The following LRRK2 variants were observed in gnomAD, a reference collection of about 807,000 sequenced individuals.
The protein encoded by LRRK2 is leucine rich repeat kinase 2, also known as leucine-rich repeat serine/threonine-protein kinase 2.
Under a neutral mutation model 302.6 loss-of-function variants are expected in LRRK2, and 203 were observed. The ratio of observed to expected loss-of-function variants is 0.67; its 90% confidence interval spans 0.60 to 0.75. LRRK2 has a LOEUF of 0.75. LRRK2 is among the 30% of genes least tolerant of loss of function. The probability of loss-of-function intolerance (pLI) is 0.00; values close to 1 mark genes in which losing one functional copy is unlikely to be tolerated. For synonymous variants in LRRK2, 1,066 were observed against 1,031.9 expected, an observed-to-expected ratio of 1.03 and a Z score of -0.63; for missense variants, 2,830 against 2,951.0, an observed-to-expected ratio of 0.96 and a Z score of 0.95.
intron 50 of LRRK2, 151 bp from the exon 51 acceptor site, chr12:40,367,493 T>C: frequency 1.6e-6 from 1 of 612,122 alleles, no homozygotes; most frequent in East Asian, 3.3e-5. Context: ...AGTATAGTTT[T>C]TTATAAATAA....
intron 2 of LRRK2, among the ~76,000 whole-genome samples, chr12:40,231,180 C>T (rs957022451): frequency 6.6e-6 from 1 of 152,068 alleles, no homozygotes; most frequent in Admixed American, 6.5e-5. Context: ...CCTAATCCTT[C>T]ATTATAAGCC....
intron 3 of LRRK2, among the ~76,000 whole-genome samples, chr12:40,234,370 T>G (rs1295673872): frequency 2.6e-4 from 3 of 11,526 alleles, no homozygotes; most frequent in African/African-American, 9.9e-4. Flanking sequence ...CTAAATTCAC[T>G]TTTTTTTTTT....
intron 22 of LRRK2, 121 bp downstream of exon 22, chr12:40,295,035 A>G: frequency 1.5e-6 from 1 of 658,114 alleles, no homozygotes; most frequent in East Asian, 2.7e-5. Context: ...TAATCTTCAT[A>G]TATATTTACC....
intron 4 of LRRK2, among the ~76,000 whole-genome samples, chr12:40,236,067 G>A (rs1044311765): frequency 3.3e-5 from 5 of 151,868 alleles, no homozygotes; most frequent in Admixed American, 3.3e-4. Flanking sequence ...CCCAAAATCT[G>A]GACCTACATC....
chr12:40,334,825 A>T (rs1035575794), intron 39 of LRRK2, 142 bp from the exon 40 acceptor site: 3 of 971,724 alleles, frequency 3.1e-6, no homozygotes, highest in African/African-American at 3.2e-5. Context: ...GGGAAAAAAA[A>T]CTCAGAGAAG....
chr12:40,328,085 T>A (rs193141281), intron 38 of LRRK2, among the ~76,000 whole-genome samples: 202 of 152,254 alleles, frequency 1.3e-3, no homozygotes, highest in African/African-American at 4.6e-3. Flanking sequence ...GAAAATTCTC[T>A]ACATTAAAGG....
In LRRK2 at chr12:40,310,613, T is replaced by C; in HGVS notation, c.4500T>C (p.Leu1500=). ...ATEESDALAK[L]RKTIINESLN... ...AGGAATCTGATGCTTTGGCAAAACT[T>C]CGGAAAACCATCATAAACGAGAGCC... The change falls in exon 31 of 51, where the codon CTT becomes CTC. Residue 1500 remains leucine (L), a synonymous_variant. Transcript: ENST00000298910. The C allele has an allele frequency of 6.2e-7, 1 of 1,612,808 alleles. No homozygotes were observed. Among genetic ancestry groups the C allele is most frequent in the Non-Finnish European group, 8.5e-7 (1 of 1,179,698 alleles).
In LRRK2 at chr12:40,259,508, G is replaced by A. The variant is rs995161511; in HGVS notation, c.1447G>A (p.Val483Met). 2.5e-6 allele frequency: 4 copies of A among 1,613,230 alleles called. No individual in the cohort carries two copies. In the African/African-American group the frequency reaches 4.0e-5, roughly 16 times the overall value. The change falls in exon 13 of 51, where the codon GTG becomes ATG. Residue 483 changes from valine (V) to methionine (M), a missense_variant. Physicochemically the swap from Val to Met is conservative, Grantham distance 21 (BLOSUM62 1). Coordinates refer to ENST00000298910, the MANE Select transcript of LRRK2 (RefSeq NM_198578.4). ...SNTSLDIMAA[V>M]VPKILTVMKR... ...CACTTCCCTGGATATAATGGCAGCA[G>A]TGGTCCCCAAAATACTAACAGTTAT...
chr12:40,364,821 A>G, intron 48 of LRRK2, 21 bp from the exon 49 acceptor site: 2 of 1,545,444 alleles, frequency 1.3e-6, no homozygotes, highest in South Asian at 1.1e-5. Flanking sequence ...AAAATTATTA[A>G]TGTATACTTT....
chr12:40,299,258 G>A lies in LRRK2; in HGVS notation c.3496+1G>A. On this transcript the variant is annotated splice_donor_variant, in intron 25 of 50. Coordinates refer to ENST00000298910, the MANE Select transcript of LRRK2 (RefSeq NM_198578.4). LOFTEE classifies it high-confidence loss of function. ...TTCAGTGCCAGAATGAATTTTCTTG[G>A]TAAGTGTTCTGTGTGGGTCTCCTCC... 6.2e-7 allele frequency: 1 copy of A among 1,613,106 alleles called. No homozygotes were observed. The highest frequency in any genetic ancestry group is 8.5e-7 in the Non-Finnish European group (1 of 1,179,460).
At chr12:40,295,769 C>T (rs1250323130) in intron 23 of LRRK2, 125 bp downstream of exon 23, 10 of 888,490 alleles carry the variant, frequency 1.1e-5, no homozygotes, top group East Asian at 5.3e-5. Context: ...ATAAGTCCCC[C>T]GTGCCTCTGG....
chr12:40,316,591 C>T (rs1019033253), intron 33 of LRRK2, among the ~76,000 whole-genome samples: 3 of 151,922 alleles, frequency 2.0e-5, no homozygotes, highest in African/African-American at 7.3e-5. Context: ...ATGCATTAAG[C>T]CTTTGTTTAC....
intron 11 of LRRK2, among the ~76,000 whole-genome samples, chr12:40,253,905 A>G (rs1441580246): frequency 6.6e-6 from 1 of 152,266 alleles, no homozygotes; most frequent in Admixed American, 6.5e-5. Flanking sequence ...GCTATTCACC[A>G]TTTTAAAATC....
At position 40,299,136 on chromosome 12, in the gene LRRK2, C is replaced by G; in HGVS notation, c.3375C>G (p.Pro1125=). Residue 1125 remains proline, a synonymous_variant, in exon 25 of 51, where the codon CCC becomes CCG. Transcript: ENST00000298910. ...EGNKISGICS[P]LRLKELKILN... ...ATAAAATATCAGGGATATGCTCCCC[C>G]TTGAGACTGAAGGAACTGAAGATTT... is the stretch of plus-strand genomic sequence containing the variant. The G allele has an allele frequency of 6.2e-7, 1 of 1,613,172 alleles. No homozygotes were observed. The highest frequency in any genetic ancestry group is 8.5e-7 in the Non-Finnish European group (1 of 1,179,650).
At chr12:40,346,458 C>T (rs1592319086) in intron 41 of LRRK2, among the ~76,000 whole-genome samples, 1 of 151,918 alleles carries the variant, frequency 6.6e-6, no homozygotes, top group Non-Finnish European at 1.5e-5. Context: ...TAATAACTTA[C>T]CATTGAATGT....
chr12:40,359,127 G>T (rs1208804150), intron 46 of LRRK2, 133 bp from the exon 47 acceptor site: 5 of 764,004 alleles, frequency 6.5e-6, no homozygotes, highest in Non-Finnish European at 8.3e-6. Flanking sequence ...GAATCTTTAG[G>T]TTTTTGAGTT....
chr12:40,343,778 T>C (rs1386342613), intron 41 of LRRK2, among the ~76,000 whole-genome samples: 2 of 152,192 alleles, frequency 1.3e-5, no homozygotes, highest in Non-Finnish European at 2.9e-5. Context: ...CAACAATACA[T>C]TGAACATTTA....
chr12:40,280,170 G>A (rs1011013007), intron 18 of LRRK2, among the ~76,000 whole-genome samples: 4 of 152,132 alleles, frequency 2.6e-5, no homozygotes, highest in Admixed American at 1.3e-4. Context: ...ATAATAAGAG[G>A]CTGGGCATGG....
intron 7 of LRRK2, among the ~76,000 whole-genome samples, chr12:40,245,341 G>A (rs1380895584): frequency 2.0e-5 from 3 of 151,992 alleles, no homozygotes; most frequent in Non-Finnish European, 4.4e-5. Flanking sequence ...ATATAAATAT[G>A]TAAACATATA....
Sources: allele counts gnomAD v4.1 joint callset (sites outside exome capture counted in the v4.1 genomes callset), GRCh38; gene constraint gnomAD v4.1.1; transcripts MANE v1.5; gene names NCBI Gene and HGNC (gene_info 2026-07-23, HGNC 2026-07-21).